ANO6: variants seen among roughly 807,000 people sequenced by gnomAD.
ANO6 encodes anoctamin 6.
In ANO6, 106 loss-of-function variants were observed where a neutral mutation model predicts 117.5. The ratio of observed to expected loss-of-function variants is 0.90; its 90% CI spans 0.77 to 1.06. The LOEUF is 1.06. Ranked by LOEUF, ANO6 falls within the 50% of genes least tolerant of loss-of-function variation. ANO6 has a pLI of 0.00. For missense variants in ANO6, 955 were observed against 1,121.1 expected (o/e 0.85, Z 2.12); for synonymous variants, 367 against 385.1 (o/e 0.95, Z 0.55).
At chr12:45,357,569 C>A in intron 8 of ANO6, 145 bp downstream of exon 8, 1 of 1,106,340 alleles carries the variant, frequency 9.0e-7, no homozygotes, top group Non-Finnish European at 1.3e-6. Context: ...GTTCTGAGCA[C>A]AATAACTGAG....
chr12:45,291,905 T>C (rs1001684367), intron 1 of ANO6, among the ~76,000 whole-genome samples: 4 of 152,188 alleles, frequency 2.6e-5, no homozygotes, highest in Admixed American at 2.6e-4. Flanking sequence ...GAAAACAATT[T>C]GGCAATTCCT....
At chr12:45,397,273 C>G (rs1249910113) in intron 12 of ANO6, among the ~76,000 whole-genome samples, 1 of 152,130 alleles carries the variant, frequency 6.6e-6, no homozygotes, top group African/African-American at 2.4e-5. Context: ...AAATGCAAGT[C>G]AGAACCACCA....
intron 15 of ANO6, among the ~76,000 whole-genome samples, chr12:45,405,459 C>A (rs1026418771): frequency 3.3e-5 from 5 of 152,150 alleles, no homozygotes; most frequent in Non-Finnish European, 7.4e-5. Flanking sequence ...TTGAAAATTA[C>A]AGTGATATGA....
At chr12:45,243,558 T>A (rs576840370) in intron 1 of ANO6, among the ~76,000 whole-genome samples, 11 of 152,112 alleles carry the variant, frequency 7.2e-5, no homozygotes, top group South Asian at 2.1e-4. Context: ...TTTTTTTTTT[T>A]AATTTTTTGA....
intron 2 of ANO6, among the ~76,000 whole-genome samples, chr12:45,322,520 T>C (rs555059409): frequency 1.3e-5 from 2 of 152,242 alleles, no homozygotes; most frequent in African/African-American, 4.8e-5. Flanking sequence ...TAACTAATGG[T>C]TTTTGACCCC....
chr12:45,305,050 A>G (rs1565676886), intron 2 of ANO6, among the ~76,000 whole-genome samples: 1 of 152,120 alleles, frequency 6.6e-6, no homozygotes, highest in Non-Finnish European at 1.5e-5. Context: ...CTCCTGCCCC[A>G]CTTTGCAGAC....
rs1158237015 is a variant in ANO6, at chr12:45,319,021, C to T, written c.151-12274C>T. On this transcript the variant is annotated intron_variant, in intron 2 of 19. Coordinates refer to ENST00000320560, the MANE Select transcript of ANO6 (RefSeq NM_001025356.3). ...CAGCTTAAGGAGATTTTGAACTGAGCCGATGGGGTTTTCTAGATATACAAT... is the reference window on the plus strand; with the variant it reads ...CAGCTTAAGGAGATTTTGAACTGAGTCGATGGGGTTTTCTAGATATACAAT... Among the ~76,000 whole-genome samples, 4 of 152,214 alleles carry T rather than the reference C, an allele frequency of 2.6e-5. No homozygotes were observed. In the East Asian group the frequency reaches 5.8e-4, roughly 22 times the overall value.
chr12:45,337,927 G>T (rs773936079), intron 3 of ANO6, among the ~76,000 whole-genome samples: 6 of 151,762 alleles, frequency 4.0e-5, no homozygotes, highest in Non-Finnish European at 4.4e-5. Flanking sequence ...TGTTAGGAGG[G>T]AAGTGGAAAA....
chr12:45,411,958 G>A (rs1943097923), intron 16 of ANO6, among the ~76,000 whole-genome samples: 1 of 152,116 alleles, frequency 6.6e-6, no homozygotes, highest in Non-Finnish European at 1.5e-5. Flanking sequence ...TAAGCAACTT[G>A]AACTTGGAGC....
intron 9 of ANO6, among the ~76,000 whole-genome samples, chr12:45,368,934 T>C (rs1386035664): frequency 2.0e-5 from 3 of 152,206 alleles, no homozygotes; most frequent in African/African-American, 7.2e-5. Flanking sequence ...ATACTGGCTA[T>C]CTGGGAGATC....
chr12:45,396,417 C>A (rs1391536118), intron 12 of ANO6, among the ~76,000 whole-genome samples: 1 of 152,150 alleles, frequency 6.6e-6, no homozygotes, highest in Non-Finnish European at 1.5e-5. Flanking sequence ...GCCATACTGC[C>A]CAAAGTAATT....
In ANO6 at chr12:45,350,433, G is replaced by GT. The variant is rs752065875; in HGVS notation, c.748-225dup. 2.6e-5 allele frequency among the ~76,000 whole-genome samples: 4 copies of GT among 152,146 alleles called. No homozygotes were observed. In the East Asian group the frequency reaches 5.8e-4, roughly 22 times the overall value. ...AGTCCCTGCAGTGCTCCCCAGGATTGTAACACCCAATCGTTCATCCCTGCC... is the reference window on the plus strand; with the variant it reads ...AGTCCCTGCAGTGCTCCCCAGGATTGTTAACACCCAATCGTTCATCCCTGCC... On this transcript the variant is annotated intron_variant, in intron 6 of 19. Coordinates refer to ENST00000320560, the MANE Select transcript of ANO6 (RefSeq NM_001025356.3).
At chr12:45,407,984 G>A (rs2137652374) in intron 15 of ANO6, among the ~76,000 whole-genome samples, 2 of 152,264 alleles carry the variant, frequency 1.3e-5, no homozygotes, top group East Asian at 1.9e-4. Flanking sequence ...TGAGGTCAGA[G>A]ACGTCTCCTG....
At chr12:45,314,655 G>A (rs1939962058) in intron 2 of ANO6, among the ~76,000 whole-genome samples, 1 of 151,948 alleles carries the variant, frequency 6.6e-6, no homozygotes, top group Non-Finnish European at 1.5e-5. Flanking sequence ...GGGAGGTACT[G>A]AAATCTGTGC....
In ANO6 at chr12:45,429,218, G is replaced by GAATC. The variant is rs772978299; in HGVS notation, c.2642_2645dup (p.His882GlnfsTer15). 1 of 1,613,874 alleles carries GAATC rather than the reference G, an allele frequency of 6.2e-7. No homozygotes were observed. Among genetic ancestry groups the GAATC allele is most frequent in the East Asian group, 2.2e-5 (1 of 44,828 alleles). On this transcript the variant is annotated frameshift_variant, in exon 20 of 20. Transcript: ENST00000320560. LOFTEE classifies it low-confidence loss of function (END_TRUNC). Reference sequence around the variant, plus strand: ...ACCTAACCCAAAAGCTTCTTCATGAGAATCACCTCAAAGATATGACGAAAA... The same window carrying GAATC: ...ACCTAACCCAAAAGCTTCTTCATGAGAATCAATCACCTCAAAGATATGACGAAAA...
Position 45,357,427 on chromosome 12 carries a change from A to T in ANO6, c.998+3A>T. On this transcript the variant is annotated splice_donor_region_variant and intron_variant, in intron 8 of 19. Coordinates refer to ENST00000320560, the MANE Select transcript of ANO6 (RefSeq NM_001025356.3). The stretch of plus-strand genomic sequence containing the variant: ...AATCAAGATAACTGTACATGGAGGT[A>T]ACCTCTGTTTATTCCTTGTTGCCAT... 6.2e-7 allele frequency: 1 copy of T among 1,613,336 alleles called. No individual in the cohort carries two copies. The highest frequency in any genetic ancestry group is 8.5e-7 in the Non-Finnish European group (1 of 1,179,982).
intron 8 of ANO6, among the ~76,000 whole-genome samples, chr12:45,365,109 G>T (rs575606625): frequency 6.6e-6 from 1 of 152,144 alleles, no homozygotes. Context: ...AGTAATTTTC[G>T]TTTCTCTGCC....
In ANO6 at chr12:45,431,127, A is replaced by ACTGT. The variant is rs1486515788; in HGVS notation, c.*1819_*1822dup. On this transcript the variant is annotated 3_prime_UTR_variant, in exon 20 of 20. Transcript: ENST00000320560. ...CCCAGTGGATCCGGGACCCCATTTCACTGTCTCTCTTGATCGTGTTAATGA... is the reference window on the plus strand; with the variant it reads ...CCCAGTGGATCCGGGACCCCATTTCACTGTCTGTCTCTCTTGATCGTGTTAATGA... The ACTGT allele has an allele frequency of 3.0e-6, 3 of 985,144 alleles. No homozygotes were observed. Among genetic ancestry groups the ACTGT allele is most frequent in the African/African-American group, 3.5e-5 (2 of 57,204 alleles). The allele number at this position is 985,144 out of a possible 1,614,324, so 61.0% of individuals were successfully genotyped here. A position where few individuals can be genotyped will look rare whatever the true frequency, so the allele number is the denominator to read the frequency against.
At chr12:45,327,677 T>C (rs982121819) in intron 2 of ANO6, among the ~76,000 whole-genome samples, 1 of 152,184 alleles carries the variant, frequency 6.6e-6, no homozygotes, top group Non-Finnish European at 1.5e-5. Flanking sequence ...GTTTGTGTGC[T>C]CTTGCATGCA....
Sources: gnomAD v4.1 joint callset for allele counts (sites outside exome capture counted in the v4.1 genomes callset) on GRCh38, gnomAD v4.1.1 for gene constraint, MANE v1.5 for transcripts, NCBI Gene and HGNC (gene_info 2026-07-23, HGNC 2026-07-21) for gene names.